Variants in BASP1 observed in about 807,000 individuals in gnomAD.
The protein encoded by BASP1 is brain acid soluble protein 1.
A neutral mutation model predicts 2.2 loss-of-function variants in BASP1; 1 was observed. That is an observed-to-expected ratio of 0.46 (90% CI 0.16 to 2.17). The LOEUF (loss-of-function observed/expected upper bound fraction) is 2.17. Ranked by LOEUF, BASP1 falls within the 30% of genes most tolerant of loss-of-function variation. BASP1 has a pLI of 0.27. For synonymous variants in BASP1, 187 were observed against 154.2 expected, an observed-to-expected ratio of 1.21 and a Z score of -1.58; for missense variants, 352 against 327.2, an observed-to-expected ratio of 1.08 and a Z score of -0.58.
At position 17,264,627 on chromosome 5, in the gene BASP1, C is replaced by CA. The variant is rs570304087; in HGVS notation, c.-9-10580dup. ...TTTTTTTCTGATTATAAGATGGAAACAGAATGAAAAGGAGATGACTTCTTG... is the reference window on the plus strand; with the variant it reads ...TTTTTTTCTGATTATAAGATGGAAACAAGAATGAAAAGGAGATGACTTCTTG... On this transcript the variant is annotated intron_variant, in intron 1 of 1. Coordinates refer to ENST00000322611, the MANE Select transcript of BASP1 (RefSeq NM_006317.5). Among the ~76,000 whole-genome samples, 265 of 152,252 alleles carry CA rather than the reference C, an allele frequency of 1.7e-3. 1 individual carries two copies. Among genetic ancestry groups the CA allele is most frequent in the African/African-American group, 6.1e-3 (254 of 41,546 alleles).
chr5:17,240,088 G>C (rs760546982), intron 1 of BASP1, among the ~76,000 whole-genome samples: 4 of 151,296 alleles, frequency 2.6e-5, no homozygotes, highest in Non-Finnish European at 5.9e-5. Flanking sequence ...TCACTAATGG[G>C]ATTAGTGCTC....
At chr5:17,229,862 C>CA (rs1158036425) in intron 1 of BASP1, among the ~76,000 whole-genome samples, 1 of 148,878 alleles carries the variant, frequency 6.7e-6, no homozygotes, top group African/African-American at 2.5e-5. Flanking sequence ...TGGCTCACTG[C>CA]AACCTCTGCC....
chr5:17,221,452 T>C (rs369537226), intron 1 of BASP1, among the ~76,000 whole-genome samples: 1 of 152,076 alleles, frequency 6.6e-6, no homozygotes, highest in African/African-American at 2.4e-5. Context: ...TCTGATTCTG[T>C]TGAAAGAAAT....
chr5:17,263,362 T>G (rs1740356774), intron 1 of BASP1, among the ~76,000 whole-genome samples: 1 of 151,942 alleles, frequency 6.6e-6, no homozygotes. Flanking sequence ...CTCAAACTCC[T>G]GGGCTCAAGT....
rs1196531245 is a variant in BASP1 at position 17,275,584 on chromosome 5, C to T, written c.368C>T (p.Ala123Val). ...GCGGGCGGCGAGGCCCCCAAAGCTG[C>T]TGAGGCCGCCGCGGCCCCGGCCGAG... Reference protein sequence around the residue: ...PAAGGEAPKAAEAAAAPAESA... With the variant: ...PAAGGEAPKAVEAAAAPAESA... The change falls in exon 2 of 2, where the codon GCT (alanine) becomes GTT (valine). Residue 123 changes from alanine (A) to valine (V), a missense_variant. Coordinates refer to ENST00000322611, the MANE Select transcript of BASP1 (RefSeq NM_006317.5). This position sits in a 1 kb window ranked among gnomAD's most constrained non-coding sequence, Gnocchi z 5.3. 7.1e-7 allele frequency: 1 copy of T among 1,406,244 alleles called. No individual in the cohort carries two copies. The highest frequency in any genetic ancestry group is 1.5e-5 in the African/African-American group (1 of 65,542). 87.1% of individuals were successfully genotyped at this position (1,406,244 alleles called of 1,614,324 possible).
intron 1 of BASP1, among the ~76,000 whole-genome samples, chr5:17,268,732 A>G (rs1424791647): frequency 7.9e-5 from 12 of 152,218 alleles, no homozygotes; most frequent in Non-Finnish European, 1.5e-5. Flanking sequence ...GATTGTCTCT[A>G]TTACAGAGTG....
intron 1 of BASP1, among the ~76,000 whole-genome samples, chr5:17,273,248 C>T (rs1334642515): frequency 6.6e-6 from 1 of 152,140 alleles, no homozygotes; most frequent in Non-Finnish European, 1.5e-5. Flanking sequence ...TTTTCATGTA[C>T]TGCTCTGTGA....
chr5:17,244,801 C>T (rs1739944466), intron 1 of BASP1, among the ~76,000 whole-genome samples: 1 of 150,108 alleles, frequency 6.7e-6, no homozygotes, highest in South Asian at 2.1e-4. Flanking sequence ...AAGCGGTTCT[C>T]CTGCCTCAGC....
intron 1 of BASP1, among the ~76,000 whole-genome samples, chr5:17,258,768 G>A (rs1028938976): frequency 6.6e-6 from 1 of 152,162 alleles, no homozygotes; most frequent in Non-Finnish European, 1.5e-5. Flanking sequence ...ACAGCCCTCT[G>A]GGATTCACAC....
intron 1 of BASP1, among the ~76,000 whole-genome samples, chr5:17,237,226 C>A (rs1483966800): frequency 3.3e-5 from 5 of 152,082 alleles, no homozygotes; most frequent in Admixed American, 3.3e-4. Context: ...CGCCTGTAGT[C>A]CCAGCTACTT....
chr5:17,249,619 AAT>A (rs1192447942), intron 1 of BASP1, among the ~76,000 whole-genome samples: 2 of 152,256 alleles, frequency 1.3e-5, no homozygotes, highest in Non-Finnish European at 2.9e-5. Flanking sequence ...CAGAAAATAA[AAT>A]AGTGCCACCA....
intron 1 of BASP1, among the ~76,000 whole-genome samples, chr5:17,270,906 G>A (rs970889816): frequency 5.6e-4 from 85 of 152,180 alleles, no homozygotes; most frequent in Non-Finnish European, 5.9e-5. Context: ...AGGATTCTGG[G>A]TGGGTGTGCT....
intron 1 of BASP1, among the ~76,000 whole-genome samples, chr5:17,254,995 T>G (rs1444838352): frequency 6.6e-6 from 1 of 152,232 alleles, no homozygotes; most frequent in Non-Finnish European, 1.5e-5. Flanking sequence ...CAATTCACCC[T>G]CTGCTTTCTT....
At chr5:17,243,916 C>T (rs182910341) in intron 1 of BASP1, among the ~76,000 whole-genome samples, 68 of 152,262 alleles carry the variant, frequency 4.5e-4, no homozygotes, top group Non-Finnish European at 6.0e-4. Flanking sequence ...GAATGTTCAT[C>T]GTGTGTGACT....
At chr5:17,256,728 G>A (rs544300180) in intron 1 of BASP1, among the ~76,000 whole-genome samples, 10 of 152,226 alleles carry the variant, frequency 6.6e-5, no homozygotes, top group African/African-American at 2.4e-4. Context: ...GAATGATATT[G>A]GCTGCTTTTC....
chr5:17,247,053 G>T lies in BASP1; in HGVS notation c.-9-28155G>T, dbSNP rs115869785. ...AATACAAAAAATAGCTGGGCATGGTGGTGCACCTGTAGTCCCAGCTACTCC... is the reference window on the plus strand; with the variant it reads ...AATACAAAAAATAGCTGGGCATGGTTGTGCACCTGTAGTCCCAGCTACTCC... On this transcript the variant is annotated intron_variant, in intron 1 of 1. Transcript: ENST00000322611. 3.5e-3 allele frequency among the ~76,000 whole-genome samples: 531 copies of T among 152,204 alleles called. 2 individuals carry two copies. The highest frequency in any genetic ancestry group is 0.012 in the African/African-American group (499 of 41,534).
At chr5:17,237,840 A>G (rs1000893345) in intron 1 of BASP1, among the ~76,000 whole-genome samples, 3 of 151,356 alleles carry the variant, frequency 2.0e-5, no homozygotes, top group African/African-American at 7.3e-5. Context: ...TGAATTCCTC[A>G]CCTCAAGTGA....
At chr5:17,238,623 A>T (rs917299355) in intron 1 of BASP1, among the ~76,000 whole-genome samples, 2 of 152,094 alleles carry the variant, frequency 1.3e-5, no homozygotes, top group Non-Finnish European at 2.9e-5. Context: ...CCAAATCTGA[A>T]CCTGACCTAC....
intron 1 of BASP1, among the ~76,000 whole-genome samples, chr5:17,220,804 G>A (rs1353339722): frequency 2.0e-5 from 3 of 152,114 alleles, no homozygotes; most frequent in Non-Finnish European, 4.4e-5. Flanking sequence ...GAGGTGATGC[G>A]TTCTGTCTCT....
Sources: allele counts gnomAD v4.1 joint callset (sites outside exome capture counted in the v4.1 genomes callset), GRCh38; gene constraint gnomAD v4.1.1; non-coding constraint Gnocchi (gnomAD v3.1); transcripts MANE v1.5; gene names NCBI Gene and HGNC (gene_info 2026-07-23, HGNC 2026-07-21).